The following BIN1 variants were observed in gnomAD, a reference collection of about 807,000 sequenced individuals.
BIN1 encodes the protein bridging integrator 1.
Under a neutral mutation model 82.0 loss-of-function variants are expected in BIN1, and 53 were observed. The ratio of observed to expected loss-of-function variants is 0.65; its 90% CI spans 0.52 to 0.81. The LOEUF is 0.81. BIN1 is among the 40% of genes least tolerant of loss of function. The pLI is 0.00. For synonymous variants in BIN1, 302 were observed against 328.0 expected (o/e 0.92, Z 0.86); for missense variants, 642 against 784.4 (o/e 0.82, Z 2.17).
At chr2:127,070,123 G>A (rs1486182236) in intron 4 of BIN1, 33 bp from the exon 5 acceptor site, 4 of 1,596,170 alleles carry the variant, frequency 2.5e-6, no homozygotes, top group Non-Finnish European at 3.4e-6. Flanking sequence ...AGTGCCACCA[G>A]GAGGGCTGGG....
At chr2:127,100,999 C>CTGGGGG (rs1680248511) in intron 1 of BIN1, among the ~76,000 whole-genome samples, 1 of 101,686 alleles carries the variant, frequency 9.8e-6, no homozygotes, top group Non-Finnish European at 2.0e-5. Flanking sequence ...TAGGAATGTG[C>CTGGGGG]GGGGGGTGGG....
chr2:127,053,091 G>T, intron 14 of BIN1: 1 of 439,992 alleles, frequency 2.3e-6, no homozygotes, highest in East Asian at 4.5e-5. Context: ...ACACCCTGAG[G>T]ACACTCGTCC....
rs144083006 is a variant in BIN1, at chr2:127,084,589, G to A, written c.85-7883C>T. 2.7e-3 allele frequency among the ~76,000 whole-genome samples: 408 copies of A among 152,304 alleles called. 3 individuals are homozygous for A. Among genetic ancestry groups the A allele is most frequent in the African/African-American group, 9.2e-3 (384 of 41,568 alleles). ...GCTCATTGCTCTTAGGCATTTCAGC[G>A]TTCCCTCATGCTCAGAGCCGCAGAT... On this transcript the variant is annotated intron_variant, in intron 1 of 18. Transcript: ENST00000316724.
intron 1 of BIN1, among the ~76,000 whole-genome samples, chr2:127,100,708 C>T (rs1237507260): frequency 6.6e-6 from 1 of 152,222 alleles, no homozygotes; most frequent in African/African-American, 2.4e-5. Flanking sequence ...AGCCCTGACC[C>T]CTGTCAGCCC....
intron 7 of BIN1, 87 bp from the exon 8 acceptor site, chr2:127,064,105 C>G: frequency 6.6e-7 from 1 of 1,504,146 alleles, no homozygotes; most frequent in Non-Finnish European, 9.2e-7. Flanking sequence ...CTGCCCACCC[C>G]TCTTGGCCAG....
rs933669285 is a variant in BIN1, at chr2:127,106,953, G to A, written c.-10C>T. 22 of 1,607,670 alleles carry A rather than the reference G, an allele frequency of 1.4e-5. No individual in the cohort carries two copies. The highest frequency in any genetic ancestry group is 1.7e-5 in the Non-Finnish European group (20 of 1,178,120). ...TGCCCATCTCTGCCATCGCGGCGCAGGCCTCGCCCGGTGGCAGGGGCCGCT... is the reference window on the plus strand; with the variant it reads ...TGCCCATCTCTGCCATCGCGGCGCAAGCCTCGCCCGGTGGCAGGGGCCGCT... On this transcript the variant is annotated 5_prime_UTR_variant, in exon 1 of 19. Transcript: ENST00000316724.
intron 4 of BIN1, among the ~76,000 whole-genome samples, 181 bp downstream of exon 4, chr2:127,070,372 T>C (rs1433778587): frequency 6.6e-6 from 1 of 152,166 alleles, no homozygotes; most frequent in African/African-American, 2.4e-5. Context: ...CTGACCCACC[T>C]TGGTGTGAGG....
In BIN1 at chr2:127,093,282, T is replaced by C. The variant is rs1466778095; in HGVS notation, c.84+13578A>G. On this transcript the variant is annotated intron_variant, in intron 1 of 18. Coordinates refer to ENST00000316724, the MANE Select transcript of BIN1 (RefSeq NM_139343.3). This position sits in a 1 kb window ranked among gnomAD's most constrained non-coding sequence, Gnocchi z 5.7. ...CCTCAGAGGTAAGCTCTCTGTGACC[T>C]TCTCCTGCCCTTCTGTCTCTCTCCC... Among the ~76,000 whole-genome samples, 6 of 152,206 alleles carry C rather than the reference T, an allele frequency of 3.9e-5. No homozygotes were observed. Among genetic ancestry groups the C allele is most frequent in the African/African-American group, 1.4e-4 (6 of 41,452 alleles).
At chr2:127,070,298 A>G (rs1685711307) in intron 4 of BIN1, among the ~76,000 whole-genome samples, 1 of 152,250 alleles carries the variant, frequency 6.6e-6, no homozygotes, top group African/African-American at 2.4e-5. Context: ...GACTGGGGTC[A>G]GCCAGGGAGG....
At chr2:127,098,624 C>A (rs1180834267) in intron 1 of BIN1, among the ~76,000 whole-genome samples, 2 of 151,952 alleles carry the variant, frequency 1.3e-5, no homozygotes, top group Non-Finnish European at 2.9e-5. Context: ...GGATCTAGGT[C>A]ACAACGGGGG....
Position 127,068,309 on chromosome 2 carries a change from G to A in BIN1, c.520-54C>T. On this transcript the variant is annotated intron_variant, in intron 6 of 18. Transcript: ENST00000316724. This position sits in a 1 kb window ranked among gnomAD's most constrained non-coding sequence, Gnocchi z 4.9. ...GGTGGAGAGACCAGGGAGGTGGGGA[G>A]AGAGAAACAGAGACACACAGATTAA... The A allele has an allele frequency of 1.4e-6, 2 of 1,413,686 alleles. No homozygotes were observed. Among genetic ancestry groups the A allele is most frequent in the Non-Finnish European group, 2.0e-6 (2 of 1,017,904 alleles). The allele number at this position is 1,413,686 out of a possible 1,614,324, so 87.6% of individuals were successfully genotyped here.
intron 3 of BIN1, 55 bp from the exon 4 acceptor site, chr2:127,070,702 C>A (rs1287314268): frequency 1.9e-6 from 3 of 1,585,276 alleles, no homozygotes; most frequent in Non-Finnish European, 2.6e-6. Context: ...TTGTCCCACC[C>A]TCCCCAGCTC....
intron 10 of BIN1, among the ~76,000 whole-genome samples, chr2:127,060,181 G>A (rs1257634554): frequency 6.6e-6 from 1 of 152,162 alleles, no homozygotes; most frequent in African/African-American, 2.4e-5. Flanking sequence ...TGTGTTTTAT[G>A]GGAATGTATT....
intron 18 of BIN1, 66 bp downstream of exon 18, chr2:127,050,355 C>T: frequency 6.4e-7 from 1 of 1,568,684 alleles, no homozygotes; most frequent in Non-Finnish European, 8.8e-7. Context: ...TCCGCCACGG[C>T]GGTGCCAGCC....
chr2:127,077,916 G>A (rs1686821924), intron 1 of BIN1, among the ~76,000 whole-genome samples: 1 of 152,212 alleles, frequency 6.6e-6, no homozygotes, highest in Admixed American at 6.5e-5. Context: ...GGGGATGGGA[G>A]TGGAAAGCAA....
chr2:127,095,037 G>A (rs1342692498), intron 1 of BIN1, among the ~76,000 whole-genome samples: 1 of 152,192 alleles, frequency 6.6e-6, no homozygotes, highest in Non-Finnish European at 1.5e-5. Flanking sequence ...TCCAGGACAG[G>A]CTGCTTCACT....
chr2:127,061,992 G>C (rs1022999485), intron 10 of BIN1, 123 bp downstream of exon 10: 11 of 1,085,318 alleles, frequency 1.0e-5, no homozygotes, highest in Non-Finnish European at 1.5e-5. Context: ...AAGACAGGAA[G>C]GTCCCTAGAC....
rs781401496 is a variant in BIN1, at chr2:127,048,344, G to C, written c.*182C>G. The stretch of plus-strand genomic sequence containing the variant: ...ACTGGTGAATTCCGCCGGACTTGCC[G>C]GGACGCGGCTCTTTGGAAAACGACC... On this transcript the variant is annotated 3_prime_UTR_variant, in exon 19 of 19. Coordinates refer to ENST00000316724, the MANE Select transcript of BIN1 (RefSeq NM_139343.3). 4.7e-5 allele frequency: 29 copies of C among 616,054 alleles called. 1 individual carries two copies. The highest frequency in any genetic ancestry group is 4.2e-4 in the South Asian group (22 of 51,846). 38.2% of individuals were successfully genotyped at this position (616,054 alleles called of 1,614,324 possible).
rs1420732725 is a variant in BIN1 at position 127,050,418 on chromosome 2, C to G, written c.1674+3G>C. 6.2e-7 allele frequency: 1 copy of G among 1,614,092 alleles called. No homozygotes were observed. Among genetic ancestry groups the G allele is most frequent in the Non-Finnish European group, 8.5e-7 (1 of 1,179,982 alleles). On this transcript the variant is annotated splice_donor_region_variant and intron_variant, in intron 18 of 18. Coordinates refer to ENST00000316724, the MANE Select transcript of BIN1 (RefSeq NM_139343.3). ...CGCTCTGGCGGCCCCACCCAGCCCTCACCTGCTCTTCAGGGTTCTGGAAGG... is the reference window on the plus strand; with the variant it reads ...CGCTCTGGCGGCCCCACCCAGCCCTGACCTGCTCTTCAGGGTTCTGGAAGG...
Sources: allele counts gnomAD v4.1 joint callset (sites outside exome capture counted in the v4.1 genomes callset), GRCh38; gene constraint gnomAD v4.1.1; non-coding constraint Gnocchi (gnomAD v3.1); transcripts MANE v1.5; gene names NCBI Gene and HGNC (gene_info 2026-07-23, HGNC 2026-07-21).